Variants in EYS observed in about 807,000 individuals in gnomAD.
The protein encoded by EYS is protein eyes shut homolog.
In EYS, 250 loss-of-function variants were observed where a neutral mutation model predicts 282.1. The observed-to-expected ratio is 0.89, with a 90% CI of 0.80 to 0.98. EYS has a LOEUF of 0.98. Ranked by LOEUF, EYS falls within the 50% of genes least tolerant of loss-of-function variation. The pLI is 0.00. For missense variants in EYS, 4,016 were observed against 3,709.0 expected (o/e 1.08, Z -2.15); for synonymous variants, 1,355 against 1,282.9 (o/e 1.06, Z -1.20).
At chr6:64,693,788 A>G (rs947903256) in intron 22 of EYS, among the ~76,000 whole-genome samples, 2 of 152,182 alleles carry the variant, frequency 1.3e-5, no homozygotes, top group African/African-American at 2.4e-5. Context: ...AAAAATTAAG[A>G]TACTCTCTTC....
chr6:64,757,711 T>C (rs953580881), intron 22 of EYS, among the ~76,000 whole-genome samples: 3 of 151,886 alleles, frequency 2.0e-5, no homozygotes, highest in Non-Finnish European at 4.4e-5. Flanking sequence ...CACAGCTACA[T>C]CTACAAAAGA....
chr6:63,897,661 A>G (rs898899739), intron 35 of EYS, among the ~76,000 whole-genome samples: 1 of 152,206 alleles, frequency 6.6e-6, no homozygotes, highest in South Asian at 2.1e-4. Context: ...TGTTGTTTTA[A>G]GTCACTAAGT....
At chr6:65,424,487 C>A (rs1767588911) in intron 5 of EYS, among the ~76,000 whole-genome samples, 1 of 151,868 alleles carries the variant, frequency 6.6e-6, no homozygotes, top group Non-Finnish European at 1.5e-5. Flanking sequence ...TTTTAATACA[C>A]AGTATTAAAT....
intron 26 of EYS, among the ~76,000 whole-genome samples, chr6:64,500,547 C>A (rs114364508): frequency 0.024 from 3,683 of 152,046 alleles, 140 homozygotes; most frequent in African/African-American, 0.084. Context: ...GTAGGTATGG[C>A]AAAATTTTTT....
At chr6:65,066,515 A>T (rs1038637332) in intron 12 of EYS, among the ~76,000 whole-genome samples, 2 of 152,152 alleles carry the variant, frequency 1.3e-5, no homozygotes, top group African/African-American at 4.8e-5. Context: ...ATGTCATCAG[A>T]GTTGAAAGAA....
At chr6:64,807,450 T>A (rs530147771) in intron 22 of EYS, among the ~76,000 whole-genome samples, 2 of 152,070 alleles carry the variant, frequency 1.3e-5, no homozygotes, top group Non-Finnish European at 2.9e-5. Context: ...TAAAACTCAA[T>A]TGAGTTTACA....
chr6:65,030,488 C>T (rs1376081118), intron 13 of EYS, among the ~76,000 whole-genome samples: 1 of 152,160 alleles, frequency 6.6e-6, no homozygotes, highest in Non-Finnish European at 1.5e-5. Context: ...AGGCAGAACT[C>T]ACTGCATCCC....
chr6:64,479,788 A>T (rs1260126013), intron 26 of EYS, among the ~76,000 whole-genome samples: 1 of 151,970 alleles, frequency 6.6e-6, no homozygotes, highest in East Asian at 1.9e-4. Context: ...GTTAAACTGG[A>T]GTAGCAAAAA....
In EYS at chr6:65,495,347, T is replaced by C; in HGVS notation, c.64A>G (p.Lys22Glu). 1 of 1,613,782 alleles carries C rather than the reference T, an allele frequency of 6.2e-7. No individual in the cohort carries two copies. The highest frequency in any genetic ancestry group is 8.5e-7 in the Non-Finnish European group (1 of 1,180,006). The part of the protein sequence containing the change: ...MVFHSSFING[K>E]TCRRQLVEEW... Reference sequence around the variant, plus strand: ...TCCACCAATTGCCGTCTACATGTTTTTCCATTTATGAAAGAGCTGTGAAAA... The same window carrying C: ...TCCACCAATTGCCGTCTACATGTTTCTCCATTTATGAAAGAGCTGTGAAAA... Residue 22 changes from lysine to glutamate, a missense_variant, in exon 4 of 43, where the codon AAA becomes GAA. Transcript: ENST00000503581.
At chr6:64,467,813 G>C (rs1775975493) in intron 26 of EYS, among the ~76,000 whole-genome samples, 1 of 152,028 alleles carries the variant, frequency 6.6e-6, no homozygotes, top group Non-Finnish European at 1.5e-5. Context: ...GCACCTTTTG[G>C]GGACCCAGGG....
At chr6:64,453,512 T>G (rs754373704) in intron 26 of EYS, among the ~76,000 whole-genome samples, 1 of 152,218 alleles carries the variant, frequency 6.6e-6, no homozygotes. Flanking sequence ...ACTGGGTATC[T>G]ACCCAAAGGA....
chr6:65,215,095 C>T (rs963044681), intron 12 of EYS, among the ~76,000 whole-genome samples: 1 of 152,058 alleles, frequency 6.6e-6, no homozygotes, highest in African/African-American at 2.4e-5. Flanking sequence ...ATTCATTCTG[C>T]AGTCCATAGA....
At chr6:65,347,312 G>C (rs1053023363) in intron 9 of EYS, among the ~76,000 whole-genome samples, 35 of 151,526 alleles carry the variant, frequency 2.3e-4, no homozygotes, top group African/African-American at 8.2e-4. Context: ...TATGTAAACT[G>C]GGTGTTTATA....
intron 9 of EYS, among the ~76,000 whole-genome samples, chr6:65,348,193 T>C (rs1189596034): frequency 6.6e-6 from 1 of 151,832 alleles, no homozygotes; most frequent in Non-Finnish European, 1.5e-5. Flanking sequence ...GAAGTAAACA[T>C]GGAAGTGCAG....
At chr6:64,981,694 T>C (rs962204182) in intron 14 of EYS, among the ~76,000 whole-genome samples, 1 of 151,390 alleles carries the variant, frequency 6.6e-6, no homozygotes, top group Non-Finnish European at 1.5e-5. Context: ...TGCTTTATTT[T>C]AAACCATTTT....
chr6:64,004,269 T>C (rs888054649), intron 33 of EYS, among the ~76,000 whole-genome samples: 13 of 152,136 alleles, frequency 8.5e-5, no homozygotes, highest in African/African-American at 2.9e-4. Context: ...ATTTTTTTAT[T>C]CTCAAGGTTT....
chr6:64,478,263 A>C (rs1042749786), intron 26 of EYS, among the ~76,000 whole-genome samples: 3 of 152,098 alleles, frequency 2.0e-5, no homozygotes, highest in Non-Finnish European at 2.9e-5. Flanking sequence ...TTACTTTTAA[A>C]AATGCCTTTT....
intron 22 of EYS, among the ~76,000 whole-genome samples, chr6:64,751,015 A>T (rs1772729420): frequency 6.6e-6 from 1 of 152,044 alleles, no homozygotes; most frequent in Admixed American, 6.5e-5. Flanking sequence ...TTAGGAGTTT[A>T]GGCCCCTCCT....
intron 31 of EYS, among the ~76,000 whole-genome samples, chr6:64,166,420 C>T (rs960153399): frequency 2.0e-5 from 3 of 152,194 alleles, no homozygotes; most frequent in Non-Finnish European, 4.4e-5. Context: ...AGCAGTCACA[C>T]ATTTAATCAA....
Sources: gnomAD v4.1 joint callset for allele counts (sites outside exome capture counted in the v4.1 genomes callset) on GRCh38, gnomAD v4.1.1 for gene constraint, MANE v1.5 for transcripts, NCBI Gene and HGNC (gene_info 2026-07-23, HGNC 2026-07-21) for gene names.